TP53INP1: variants seen among roughly 807,000 people sequenced by gnomAD.
TP53INP1 encodes tumor protein p53 inducible nuclear protein 1, also known as tumor protein p53-inducible nuclear protein 1.
Under a neutral mutation model 21.0 loss-of-function variants are expected in TP53INP1, and 12 were observed. That is an observed-to-expected ratio of 0.57 (90% CI 0.37 to 0.93). TP53INP1 has a LOEUF of 0.93. Ranked by LOEUF, TP53INP1 falls within the 40% of genes least tolerant of loss-of-function variation. TP53INP1 has a pLI of 0.01. For synonymous variants in TP53INP1, 91 were observed against 94.8 expected (o/e 0.96, Z 0.23); for missense variants, 274 against 294.7 (o/e 0.93, Z 0.51).
rs1399595470 is a variant in TP53INP1 at position 94,926,456 on chromosome 8, A to G, written c.*4023T>C. The G allele has an allele frequency of 4.0e-5, 6 of 151,894 alleles. No homozygotes were observed. Among genetic ancestry groups the G allele is most frequent in the Non-Finnish European group, 5.9e-5 (4 of 67,982 alleles). The allele number at this position is 151,894 out of a possible 1,614,324, so 9.4% of individuals were successfully genotyped here. A position where few individuals can be genotyped will look rare whatever the true frequency, so the allele number is the denominator to read the frequency against. On this transcript the variant is annotated 3_prime_UTR_variant, in exon 4 of 4. Coordinates refer to ENST00000342697, the MANE Select transcript of TP53INP1 (RefSeq NM_033285.4). ...AAACACACGCAATTATTAAAGTTCA[A>G]AATCTCTGGAGGAAAATACAAGCAA...
At chr8:94,938,167 C>T (rs1337433124) in intron 3 of TP53INP1, among the ~76,000 whole-genome samples, 2 of 152,152 alleles carry the variant, frequency 1.3e-5, no homozygotes, top group African/African-American at 2.4e-5. Context: ...TTGCTAAAAC[C>T]ATTTCTGCTT....
At chr8:94,942,010 G>A (rs1821584081) in intron 1 of TP53INP1, among the ~76,000 whole-genome samples, 2 of 150,572 alleles carry the variant, frequency 1.3e-5, no homozygotes, top group Admixed American at 6.6e-5. Context: ...AGTTATTCAG[G>A]CCAACACCCT....
intron 3 of TP53INP1, among the ~76,000 whole-genome samples, chr8:94,932,955 G>A (rs1483881904): frequency 6.6e-6 from 1 of 152,198 alleles, no homozygotes; most frequent in Non-Finnish European, 1.5e-5. Context: ...AATGGCTCAT[G>A]ACTGTAATCC....
intron 3 of TP53INP1, among the ~76,000 whole-genome samples, chr8:94,935,446 A>C (rs1160338342): frequency 6.6e-6 from 1 of 152,244 alleles, no homozygotes; most frequent in African/African-American, 2.4e-5. Context: ...GACAAAGGTC[A>C]TATGATGTCT....
At chr8:94,932,238 G>A in intron 3 of TP53INP1, 2 of 895,054 alleles carry the variant, frequency 2.2e-6, no homozygotes, top group East Asian at 2.7e-5. Flanking sequence ...ACGTACATGT[G>A]CTTAAGATAA....
intron 3 of TP53INP1, among the ~76,000 whole-genome samples, chr8:94,935,225 A>G (rs1820868565): frequency 6.6e-6 from 1 of 152,132 alleles, no homozygotes. Context: ...CAACACTAAC[A>G]ATAGGGATAT....
intron 3 of TP53INP1, among the ~76,000 whole-genome samples, chr8:94,933,839 G>GT (rs1046736222): frequency 1.3e-5 from 2 of 148,456 alleles, no homozygotes; most frequent in South Asian, 2.2e-4. Flanking sequence ...CTTTGTGGGG[G>GT]GGGGGGGAGG....
intron 3 of TP53INP1, among the ~76,000 whole-genome samples, chr8:94,938,152 C>T (rs1243399390): frequency 6.6e-6 from 1 of 152,166 alleles, no homozygotes; most frequent in Non-Finnish European, 1.5e-5. Flanking sequence ...GGTGAAGCTA[C>T]GTGTTTGCTA....
In TP53INP1 at chr8:94,929,673, G is replaced by C. The variant is rs551556849; in HGVS notation, c.*806C>G. The C allele has an allele frequency of 6.6e-6, 1 of 152,334 alleles. No homozygotes were observed. The highest frequency in any genetic ancestry group is 2.4e-5 in the African/African-American group (1 of 41,574). 9.4% of individuals were successfully genotyped at this position (152,334 alleles called of 1,614,324 possible). ...GCGAGGTGAGGAGTGGACAGAATTG[G>C]CGGGAAGGAATAGTAACAAATTAAA... On this transcript the variant is annotated 3_prime_UTR_variant, in exon 4 of 4. Coordinates refer to ENST00000342697, the MANE Select transcript of TP53INP1 (RefSeq NM_033285.4).
intron 3 of TP53INP1, among the ~76,000 whole-genome samples, chr8:94,934,018 A>G (rs920006609): frequency 2.0e-5 from 3 of 151,994 alleles, no homozygotes; most frequent in Non-Finnish European, 4.4e-5. Flanking sequence ...CAGAGGTTGC[A>G]GTGAGCCAAG....
rs1822345125 is a variant in TP53INP1, at chr8:94,949,352, C to T, written c.-349G>A. The T allele has an allele frequency of 6.6e-6, 1 of 151,060 alleles. No individual in the cohort carries two copies. Among genetic ancestry groups the T allele is most frequent in the Admixed American group, 6.6e-5 (1 of 15,178 alleles). The allele number at this position is 151,060 out of a possible 1,614,324, so 9.4% of individuals were successfully genotyped here. A position where few individuals can be genotyped will look rare whatever the true frequency, so the allele number is the denominator to read the frequency against. On this transcript the variant is annotated 5_prime_UTR_variant, in exon 1 of 4. Coordinates refer to ENST00000342697, the MANE Select transcript of TP53INP1 (RefSeq NM_033285.4). Reference sequence around the variant, plus strand: ...GCGCCCAGGCCGGCCAGTCCAAGTCCTTTTGTTGTTGTGCAGCGCTCGCAA... The same window carrying T: ...GCGCCCAGGCCGGCCAGTCCAAGTCTTTTTGTTGTTGTGCAGCGCTCGCAA...
rs964318067 is a variant in TP53INP1, at chr8:94,928,733, C to G, written c.*1746G>C. 2.6e-5 allele frequency: 4 copies of G among 152,242 alleles called. No homozygotes were observed. Among genetic ancestry groups the G allele is most frequent in the Non-Finnish European group, 5.9e-5 (4 of 68,048 alleles). The allele number at this position is 152,242 out of a possible 1,614,324, so 9.4% of individuals were successfully genotyped here. On this transcript the variant is annotated 3_prime_UTR_variant, in exon 4 of 4. Transcript: ENST00000342697. Reference sequence around the variant, plus strand: ...CATTTGACGTCTTCCACTCCAAACGCTCTAATCTAGTCAGAAAAGAGCACA... The same window carrying G: ...CATTTGACGTCTTCCACTCCAAACGGTCTAATCTAGTCAGAAAAGAGCACA...
chr8:94,932,798 G>A (rs754274740), intron 3 of TP53INP1, among the ~76,000 whole-genome samples: 7 of 151,732 alleles, frequency 4.6e-5, no homozygotes, highest in Non-Finnish European at 1.0e-4. Context: ...GCGAGACTCC[G>A]TCTCAAAAAT....
chr8:94,946,703 A>AAAAAAAAAAAC (rs1822039976), intron 1 of TP53INP1, among the ~76,000 whole-genome samples: 1 of 145,950 alleles, frequency 6.9e-6, no homozygotes, highest in Non-Finnish European at 1.5e-5. Flanking sequence ...TCTCAAAAAA[A>AAAAAAAAAAAC]AAAAAAAAAA....
chr8:94,941,024 C>G lies in TP53INP1; in HGVS notation c.-83G>C. The G allele has an allele frequency of 1.0e-6, 1 of 987,514 alleles. No individual in the cohort carries two copies. Among genetic ancestry groups the G allele is most frequent in the South Asian group, 1.4e-5 (1 of 70,532 alleles). 61.2% of individuals were successfully genotyped at this position (987,514 alleles called of 1,614,324 possible). On this transcript the variant is annotated 5_prime_UTR_variant, in exon 2 of 4. Coordinates refer to ENST00000342697, the MANE Select transcript of TP53INP1 (RefSeq NM_033285.4). ...CTTGTCTTTAGTTGGCCCAATGGTACCGACAGGAGATTAAAGTGCACAGGG... is the reference window on the plus strand; with the variant it reads ...CTTGTCTTTAGTTGGCCCAATGGTAGCGACAGGAGATTAAAGTGCACAGGG...
chr8:94,937,533 AG>A (rs1186373572), intron 3 of TP53INP1, among the ~76,000 whole-genome samples: 1 of 151,906 alleles, frequency 6.6e-6, no homozygotes, highest in Non-Finnish European at 1.5e-5. Flanking sequence ...CTGGTATCTG[AG>A]GAAGAAGGGA....
Position 94,940,222 on chromosome 8 carries a change from T to C in TP53INP1, c.113-2A>G. 6.2e-7 allele frequency: 1 copy of C among 1,602,000 alleles called. No homozygotes were observed. On this transcript the variant is annotated splice_acceptor_variant, in intron 2 of 3. Coordinates refer to ENST00000342697, the MANE Select transcript of TP53INP1 (RefSeq NM_033285.4). LOFTEE classifies it high-confidence loss of function. The stretch of plus-strand genomic sequence containing the variant: ...CTGCTGAGAAACCAGTGCAAGTATC[T>C]AGATCGTAGTCCACATTGCAGTCCA...
At chr8:94,935,705 A>G (rs535137500) in intron 3 of TP53INP1, among the ~76,000 whole-genome samples, 1 of 152,318 alleles carries the variant, frequency 6.6e-6, no homozygotes, top group South Asian at 2.1e-4. Context: ...ATCAAGATCT[A>G]TTGGTAAAGC....
At chr8:94,942,863 A>G (rs1255819539) in intron 1 of TP53INP1, among the ~76,000 whole-genome samples, 2 of 152,130 alleles carry the variant, frequency 1.3e-5, no homozygotes, top group African/African-American at 4.8e-5. Flanking sequence ...GTCCAGAGGG[A>G]GGGTCACAAT....
Sources: gnomAD v4.1 joint callset for allele counts (sites outside exome capture counted in the v4.1 genomes callset) on GRCh38, gnomAD v4.1.1 for gene constraint, MANE v1.5 for transcripts, NCBI Gene and HGNC (gene_info 2026-07-23, HGNC 2026-07-21) for gene names.